ARHGEF10L: variants seen among roughly 807,000 people sequenced by gnomAD.
The protein encoded by ARHGEF10L is Rho guanine nucleotide exchange factor 10 like, also known as rho guanine nucleotide exchange factor 10-like protein.
A neutral mutation model predicts 141.2 loss-of-function variants in ARHGEF10L; 69 were observed. The observed-to-expected ratio is 0.49, with a 90% CI of 0.40 to 0.60. The LOEUF is 0.60. Among genes scored for constraint, ARHGEF10L ranks in the 20% least tolerant of loss-of-function variants. The pLI, the probability that ARHGEF10L is intolerant of heterozygous loss-of-function variation, is 0.00. For synonymous variants in ARHGEF10L, 711 were observed against 718.5 expected (o/e 0.99, Z 0.17); for missense variants, 1,482 against 1,734.3 (o/e 0.85, Z 2.58).
At chr1:17,581,198 G>T (rs1347036943) in intron 2 of ARHGEF10L, among the ~76,000 whole-genome samples, 1 of 149,912 alleles carries the variant, frequency 6.7e-6, no homozygotes, top group Admixed American at 6.8e-5. Flanking sequence ...TGTAATCTCA[G>T]CTACTTGAGA....
At position 17,634,863 on chromosome 1, in the gene ARHGEF10L, C is replaced by G; in HGVS notation, c.1774C>G (p.Pro592Ala). The change falls in exon 18 of 29, where the codon CCC becomes GCC. Residue 592 changes from proline to alanine, a missense_variant. Pro to Ala is a conservative substitution (Grantham distance 27). Around this residue, in one of 3 missense-constraint regions of ARHGEF10L, gnomAD observed 858 missense variants for 966.3 expected, o/e 0.89. Coordinates refer to ENST00000361221, the MANE Select transcript of ARHGEF10L (RefSeq NM_018125.4). ...RGQLEISSLVPLGPKYVVKWN... is the reference protein window; with the variant it reads ...RGQLEISSLVALGPKYVVKWN... ...CCAGCTGGAGATCAGCAGCCTGGTG[C>G]CCCTGGGGCCCAAGTATGTGGTGAA... 1.9e-6 allele frequency: 3 copies of G among 1,613,794 alleles called. No homozygotes were observed. The highest frequency in any genetic ancestry group is 2.5e-6 in the Non-Finnish European group (3 of 1,179,854).
intron 21 of ARHGEF10L, among the ~76,000 whole-genome samples, chr1:17,648,236 G>A (rs1049993584): frequency 6.6e-5 from 10 of 152,332 alleles, no homozygotes; most frequent in Admixed American, 5.2e-4. Flanking sequence ...ACCACAGGAC[G>A]AAGGCATTTC....
At chr1:17,582,309 G>GA (rs34644771) in intron 2 of ARHGEF10L, among the ~76,000 whole-genome samples, 4 of 151,480 alleles carry the variant, frequency 2.6e-5, no homozygotes, top group African/African-American at 9.7e-5. Flanking sequence ...TGGGGAGTGA[G>GA]AAAAAAAAAT....
intron 25 of ARHGEF10L, among the ~76,000 whole-genome samples, chr1:17,660,735 G>C (rs1483528837): frequency 1.3e-5 from 2 of 152,208 alleles, no homozygotes; most frequent in African/African-American, 4.8e-5. Flanking sequence ...CCTGGCGCTG[G>C]CCACAAGAGC....
rs370858538 is a variant in ARHGEF10L at position 17,587,460 on chromosome 1, G to C, written c.38G>C (p.Gly13Ala). 15 of 1,611,856 alleles carry C rather than the reference G, an allele frequency of 9.3e-6. No homozygotes were observed. The highest frequency in any genetic ancestry group is 1.3e-5 in the Non-Finnish European group (15 of 1,179,046). ...SSNPPPQPAI[G>A]DQLVPGVPGP... ...CTGGCCAACTCCTTCTCTCTTCCAG[G>C]AGATCAGCTGGTTCCAGGAGTCCCA... is the stretch of plus-strand genomic sequence containing the variant. Residue 13 changes from glycine to alanine, a missense_variant and splice_region_variant, in exon 3 of 29, where the codon GGA (glycine) becomes GCA (alanine). Gly to Ala is a moderately conservative substitution (Grantham distance 60). Around this residue, in one of 3 missense-constraint regions of ARHGEF10L, gnomAD observed 232 missense variants for 225.9 expected, o/e 1.03. Transcript: ENST00000361221.
At chr1:17,595,226 T>A (rs2079966266) in intron 4 of ARHGEF10L, among the ~76,000 whole-genome samples, 1 of 144,464 alleles carries the variant, frequency 6.9e-6, no homozygotes, top group African/African-American at 2.8e-5. Context: ...TCACCTTTTT[T>A]TTTTTTTTTT....
rs138712645 is a variant in ARHGEF10L at position 17,587,564 on chromosome 1, G to C, written c.142G>C (p.Ala48Pro). The C allele has an allele frequency of 6.2e-7, 1 of 1,614,056 alleles. No homozygotes were observed. ...CAGTGATGATGAAGAGGACACCAGC[G>C]CAGCCCTGGGCGTCCCCAGCCTTGC... ...DDSDDEEDTS[A>P]ALGVPSLAPE... Residue 48 changes from alanine to proline, a missense_variant, in exon 3 of 29, where the codon GCA (alanine) becomes CCA (proline). By Grantham distance (27) the Ala-to-Pro change is conservative. Coordinates refer to ENST00000361221, the MANE Select transcript of ARHGEF10L (RefSeq NM_018125.4).
chr1:17,529,429 C>T, the ARHGEF10L span, among the ~76,000 whole-genome samples: 2 of 152,198 alleles, frequency 1.3e-5, no homozygotes, highest in Admixed American at 6.5e-5. Context: ...ATAGGGCAGA[C>T]CCCAAGCCAG....
chr1:17,594,674 G>A (rs1325458417), intron 4 of ARHGEF10L, among the ~76,000 whole-genome samples: 1 of 152,022 alleles, frequency 6.6e-6, no homozygotes, highest in African/African-American at 2.4e-5. Flanking sequence ...TAGTAGAAAC[G>A]GGGTCTCACC....
rs997350349 is a variant in ARHGEF10L at position 17,603,686 on chromosome 1, C to T, written c.433+95C>T. 32 of 1,155,314 alleles carry T rather than the reference C, an allele frequency of 2.8e-5. No homozygotes were observed. The highest frequency in any genetic ancestry group is 5.8e-5 in the East Asian group (2 of 34,488). 71.6% of individuals were successfully genotyped at this position (1,155,314 alleles called of 1,614,324 possible). A position where few individuals can be genotyped will look rare whatever the true frequency, so the allele number is the denominator to read the frequency against. The stretch of plus-strand genomic sequence containing the variant: ...GTCTCTTTCCGTTTCCTTCTGTCCC[C>T]ACCTGGCCAAGTGCCCCTCCTTCTT... On this transcript the variant is annotated intron_variant, in intron 6 of 28. Transcript: ENST00000361221. The surrounding 1 kb of genome is among the most constrained non-coding windows in gnomAD (Gnocchi z 4.8).
intron 18 of ARHGEF10L, 132 bp downstream of exon 18, chr1:17,635,148 G>A (rs1222690953): frequency 8.7e-7 from 1 of 1,154,396 alleles, no homozygotes; most frequent in African/African-American, 1.6e-5. Flanking sequence ...TGGCCAGGAA[G>A]CTCTTGCTGG....
chr1:17,539,265 G>A (rs928735157), upstream of ARHGEF10L, among the ~76,000 whole-genome samples: 1 of 152,218 alleles, frequency 6.6e-6, no homozygotes, highest in African/African-American at 2.4e-5. The surrounding 1 kb of genome is among the most constrained non-coding windows in gnomAD (Gnocchi z 6.0). Context: ...TGAGGGGCAG[G>A]TCATAAGTCT....
intron 1 of ARHGEF10L, among the ~76,000 whole-genome samples, chr1:17,548,716 T>G (rs1484644399): frequency 6.7e-6 from 1 of 149,858 alleles, no homozygotes; most frequent in Non-Finnish European, 1.5e-5. Flanking sequence ...TGCAATGGTC[T>G]TGGCTCACTG....
chr1:17,549,770 A>T (rs866660188), intron 1 of ARHGEF10L, among the ~76,000 whole-genome samples: 1 of 152,186 alleles, frequency 6.6e-6, no homozygotes, highest in African/African-American at 2.4e-5. Flanking sequence ...TAGTTCCAAG[A>T]TTCCAGCTAG....
chr1:17,672,884 G>C (rs906592470), intron 26 of ARHGEF10L, among the ~76,000 whole-genome samples: 13 of 152,168 alleles, frequency 8.5e-5, no homozygotes, highest in African/African-American at 2.6e-4. Context: ...GGGCCTGGAG[G>C]GGGTGAAGAG....
chr1:17,617,861 C>T (rs1311299269), intron 9 of ARHGEF10L, among the ~76,000 whole-genome samples: 1 of 152,076 alleles, frequency 6.6e-6, no homozygotes, highest in Non-Finnish European at 1.5e-5. Context: ...TAAGTGGAGG[C>T]GTTTGGTGCC....
intron 25 of ARHGEF10L, among the ~76,000 whole-genome samples, chr1:17,660,921 TGG>T (rs906638143): frequency 3.3e-5 from 5 of 152,146 alleles, no homozygotes; most frequent in African/African-American, 1.2e-4. Flanking sequence ...TCACAGCAAT[TGG>T]GTTTAGGATC....
At chr1:17,624,937 C>T (rs981195986) in intron 13 of ARHGEF10L, among the ~76,000 whole-genome samples, 9 of 152,180 alleles carry the variant, frequency 5.9e-5, no homozygotes, top group Admixed American at 1.3e-4. Context: ...TTAAAGGCTT[C>T]GAAAAGCTTC....
chr1:17,571,159 T>C (rs1570534583), intron 1 of ARHGEF10L, among the ~76,000 whole-genome samples: 1 of 151,880 alleles, frequency 6.6e-6, no homozygotes, highest in Non-Finnish European at 1.5e-5. Flanking sequence ...GGAGCCGCGG[T>C]GTAGCCTGAA....
Sources: allele counts gnomAD v4.1 joint callset (sites outside exome capture counted in the v4.1 genomes callset), GRCh38; gene constraint gnomAD v4.1.1; regional missense constraint gnomAD v4.1.1; non-coding constraint Gnocchi (gnomAD v3.1); transcripts MANE v1.5; gene names NCBI Gene and HGNC (gene_info 2026-07-23, HGNC 2026-07-21).